The following SNTG1 variants were observed in gnomAD, a reference collection of about 807,000 sequenced individuals.
SNTG1 encodes the protein syntrophin gamma 1.
Under a neutral mutation model 74.7 loss-of-function variants are expected in SNTG1, and 39 were observed. The ratio of observed to expected loss-of-function variants is 0.52; its 90% confidence interval spans 0.40 to 0.68. The LOEUF is 0.68. SNTG1 is among the 30% of genes least tolerant of loss of function. SNTG1 has a pLI of 0.00. For synonymous variants in SNTG1, 254 were observed against 217.1 expected (o/e 1.17, Z -1.49); for missense variants, 685 against 609.5 (o/e 1.12, Z -1.30).
chr8:50,030,549 A>G (rs916620889), intron 1 of SNTG1, among the ~76,000 whole-genome samples: 1 of 152,014 alleles, frequency 6.6e-6, no homozygotes, highest in Admixed American at 6.6e-5. Context: ...TTATAAATTT[A>G]TATTTTTGTC....
chr8:50,711,969 G>A (rs2095462791), intron 17 of SNTG1, among the ~76,000 whole-genome samples: 4 of 152,114 alleles, frequency 2.6e-5, no homozygotes, highest in Admixed American at 2.0e-4. Context: ...ATAGCTAAAA[G>A]CATAATCTTG....
chr8:50,445,061 C>G (rs1266547860), intron 5 of SNTG1, among the ~76,000 whole-genome samples: 1 of 152,162 alleles, frequency 6.6e-6, no homozygotes, highest in Non-Finnish European at 1.5e-5. Flanking sequence ...TATCCCCTAT[C>G]TCCCCTCTTT....
intron 1 of SNTG1, among the ~76,000 whole-genome samples, chr8:50,126,059 G>C (rs1422457262): frequency 6.6e-6 from 1 of 152,098 alleles, no homozygotes; most frequent in East Asian, 1.9e-4. Flanking sequence ...ACAATGGCTG[G>C]TTCTGCGGCA....
chr8:50,298,310 A>G (rs967591603), intron 2 of SNTG1, among the ~76,000 whole-genome samples: 5 of 152,166 alleles, frequency 3.3e-5, no homozygotes, highest in Non-Finnish European at 5.9e-5. Context: ...ATTCAGATAC[A>G]TGAGACTATT....
chr8:50,165,903 G>A (rs1352643659), intron 1 of SNTG1, among the ~76,000 whole-genome samples: 1 of 151,182 alleles, frequency 6.6e-6, no homozygotes, highest in East Asian at 2.0e-4. Context: ...AAACAGCATG[G>A]TACTGGTACC....
At chr8:50,176,256 A>G (rs1263955569) in intron 2 of SNTG1, among the ~76,000 whole-genome samples, 1 of 152,046 alleles carries the variant, frequency 6.6e-6, no homozygotes, top group African/African-American at 2.4e-5. Context: ...CGCAACTTCT[A>G]TTGCCCCATG....
chr8:50,378,678 C>A (rs1431872747), intron 2 of SNTG1, among the ~76,000 whole-genome samples: 1 of 151,946 alleles, frequency 6.6e-6, no homozygotes, highest in African/African-American at 2.4e-5. Flanking sequence ...CTCTGCTAGG[C>A]AAATCATCCT....
At chr8:49,953,618 A>G (rs1249653692) in intron 1 of SNTG1, among the ~76,000 whole-genome samples, 1 of 152,222 alleles carries the variant, frequency 6.6e-6, no homozygotes, top group East Asian at 1.9e-4. Flanking sequence ...TGTAAATGCA[A>G]AGGAAATGTA....
intron 1 of SNTG1, among the ~76,000 whole-genome samples, chr8:50,067,618 G>C (rs941267084): frequency 6.6e-6 from 1 of 152,104 alleles, no homozygotes; most frequent in Non-Finnish European, 1.5e-5. Flanking sequence ...AATATAGTTA[G>C]GTAGTTATGA....
chr8:50,236,532 G>T (rs1373937625), intron 2 of SNTG1, among the ~76,000 whole-genome samples: 1 of 147,452 alleles, frequency 6.8e-6, no homozygotes, highest in African/African-American at 2.5e-5. Flanking sequence ...CTCACTGCAA[G>T]CTCCACCTCC....
At chr8:49,991,432 C>T (rs981028429) in intron 1 of SNTG1, among the ~76,000 whole-genome samples, 2 of 152,122 alleles carry the variant, frequency 1.3e-5, no homozygotes, top group African/African-American at 4.8e-5. Flanking sequence ...GAATTCTACT[C>T]CTAGGGTTAT....
intron 2 of SNTG1, among the ~76,000 whole-genome samples, chr8:50,195,979 C>A (rs565950768): frequency 1.3e-5 from 2 of 152,256 alleles, no homozygotes; most frequent in East Asian, 3.9e-4. Context: ...ATTTTAATAT[C>A]AATAATTTTC....
chr8:50,347,668 A>T (rs2091521323), intron 2 of SNTG1, among the ~76,000 whole-genome samples: 1 of 152,236 alleles, frequency 6.6e-6, no homozygotes, highest in South Asian at 2.1e-4. Context: ...ACCATTCTAG[A>T]TGCCATTAAG....
At chr8:50,181,660 A>G (rs1204604800) in intron 2 of SNTG1, among the ~76,000 whole-genome samples, 1 of 152,184 alleles carries the variant, frequency 6.6e-6, no homozygotes, top group East Asian at 1.9e-4. Context: ...TTTCATTTTT[A>G]TTTTTAACTG....
intron 2 of SNTG1, among the ~76,000 whole-genome samples, chr8:50,318,867 G>A (rs2090416437): frequency 6.6e-6 from 1 of 151,844 alleles, no homozygotes; most frequent in Non-Finnish European, 1.5e-5. Context: ...ACTTTTCAAG[G>A]TGGTATTACA....
At chr8:50,334,504 C>CT (rs1472955497) in intron 2 of SNTG1, among the ~76,000 whole-genome samples, 3 of 134,194 alleles carry the variant, frequency 2.2e-5, no homozygotes, top group Middle Eastern at 3.5e-3. Context: ...TATATCTCTG[C>CT]TAAAAAAAAA....
At chr8:50,542,282 A>C (rs2094354085) in intron 11 of SNTG1, among the ~76,000 whole-genome samples, 1 of 150,758 alleles carries the variant, frequency 6.6e-6, no homozygotes, top group Non-Finnish European at 1.5e-5. Flanking sequence ...CAGTCTCCCG[A>C]GTAGCTGGGA....
chr8:50,744,799 G>A (rs2095551488), intron 17 of SNTG1, among the ~76,000 whole-genome samples: 1 of 151,966 alleles, frequency 6.6e-6, no homozygotes, highest in African/African-American at 2.4e-5. Context: ...AATGAGGAAA[G>A]AGCAGTGTTT....
intron 1 of SNTG1, among the ~76,000 whole-genome samples, chr8:50,133,163 T>G (rs2081369105): frequency 6.6e-6 from 1 of 152,210 alleles, no homozygotes; most frequent in Non-Finnish European, 1.5e-5. Context: ...TTCACATTTA[T>G]GACTTACAAG....
Sources: allele counts gnomAD v4.1 joint callset (sites outside exome capture counted in the v4.1 genomes callset), GRCh38; gene constraint gnomAD v4.1.1; transcripts MANE v1.5; gene names NCBI Gene and HGNC (gene_info 2026-07-23, HGNC 2026-07-21).